Variants in ZBTB20 observed in about 807,000 individuals in gnomAD.
ZBTB20 encodes the protein zinc finger and BTB domain containing 20.
A neutral mutation model predicts 56.9 loss-of-function variants in ZBTB20; 9 were observed. The ratio of observed to expected loss-of-function variants is 0.16; its 90% CI spans 0.10 to 0.28. The LOEUF (loss-of-function observed/expected upper bound fraction) is 0.28, where lower values mean the gene tolerates loss of function less well. ZBTB20 is among the 10% of genes least tolerant of loss of function. The pLI, the probability that ZBTB20 is intolerant of heterozygous loss-of-function variation, is 1.00. For synonymous variants in ZBTB20, 417 were observed against 420.7 expected, an observed-to-expected ratio of 0.99 and a Z score of 0.11; for missense variants, 655 against 1,003.0, an observed-to-expected ratio of 0.65 and a Z score of 4.69.
chr3:114,964,638 A>G (rs1230703305), intron 3 of ZBTB20, among the ~76,000 whole-genome samples: 3 of 152,138 alleles, frequency 2.0e-5, no homozygotes, highest in Non-Finnish European at 4.4e-5. Context: ...GTGTATTTAA[A>G]AGACAGCAAA....
intron 6 of ZBTB20, among the ~76,000 whole-genome samples, chr3:114,549,883 C>T (rs1359323576): frequency 6.6e-6 from 1 of 151,376 alleles, no homozygotes; most frequent in Non-Finnish European, 1.5e-5. Flanking sequence ...TAATATTTTG[C>T]TTTTCTGTTT....
At chr3:114,516,983 G>C (rs183809399) in intron 6 of ZBTB20, among the ~76,000 whole-genome samples, 13 of 152,204 alleles carry the variant, frequency 8.5e-5, no homozygotes, top group Non-Finnish European at 1.9e-4. Context: ...GATATACTCA[G>C]TAAAAGAAAA....
At chr3:114,391,001 T>C (rs2085822807) in intron 7 of ZBTB20, among the ~76,000 whole-genome samples, 1 of 148,452 alleles carries the variant, frequency 6.7e-6, no homozygotes, top group South Asian at 2.1e-4. Context: ...GTTTTTTTTT[T>C]CTTCCTATAT....
chr3:114,408,480 G>A (rs1160008913), intron 7 of ZBTB20, among the ~76,000 whole-genome samples: 5 of 151,960 alleles, frequency 3.3e-5, no homozygotes, highest in East Asian at 3.9e-4. Flanking sequence ...AACCTTTGAC[G>A]AAATTAGAAC....
chr3:114,826,623 T>C (rs2073541891), intron 4 of ZBTB20, among the ~76,000 whole-genome samples: 1 of 151,582 alleles, frequency 6.6e-6, no homozygotes, highest in Non-Finnish European at 1.5e-5. Context: ...GTCCCTCCAC[T>C]TTTTTTCAGT....
intron 6 of ZBTB20, among the ~76,000 whole-genome samples, chr3:114,517,955 G>T (rs2046207402): frequency 6.6e-6 from 1 of 152,114 alleles, no homozygotes; most frequent in Non-Finnish European, 1.5e-5. Context: ...AGCCAACATG[G>T]TACTATTACC....
chr3:115,013,387 G>A (rs2079804583), intron 2 of ZBTB20, among the ~76,000 whole-genome samples: 1 of 151,666 alleles, frequency 6.6e-6, no homozygotes, highest in Non-Finnish European at 1.5e-5. Context: ...AGGATCGTTA[G>A]TGGCTGCTAT....
Position 115,092,698 on chromosome 3 carries a change from C to T in ZBTB20, c.-702-21284G>A, listed in dbSNP as rs80272238. ...GAGGAGTGGAGCCATAGTAACCATGCTGCACTTCATTCCATTAAAAACAGC... is the reference window on the plus strand; with the variant it reads ...GAGGAGTGGAGCCATAGTAACCATGTTGCACTTCATTCCATTAAAAACAGC... On this transcript the variant is annotated intron_variant, in intron 1 of 11. Transcript: ENST00000675478. 6.6e-3 allele frequency among the ~76,000 whole-genome samples: 1,007 copies of T among 152,164 alleles called. 15 individuals are homozygous for T. The highest frequency in any genetic ancestry group is 0.022 in the African/African-American group (930 of 41,532).
intron 6 of ZBTB20, among the ~76,000 whole-genome samples, chr3:114,647,578 A>G (rs548947107): frequency 6.6e-6 from 1 of 152,338 alleles, no homozygotes; most frequent in East Asian, 1.9e-4. Context: ...GTCAGCCATC[A>G]ATTTAAAATC....
chr3:115,143,760 C>T (rs2084886331), intron 1 of ZBTB20, among the ~76,000 whole-genome samples: 1 of 152,004 alleles, frequency 6.6e-6, no homozygotes, highest in South Asian at 2.1e-4. Flanking sequence ...GTTAAAATTA[C>T]CAACTGAAAT....
chr3:114,959,476 G>T (rs1576426659), intron 3 of ZBTB20, among the ~76,000 whole-genome samples: 1 of 151,966 alleles, frequency 6.6e-6, no homozygotes, highest in African/African-American at 2.4e-5. Flanking sequence ...AGAAAGAAAA[G>T]ACATTAGATA....
intron 3 of ZBTB20, among the ~76,000 whole-genome samples, chr3:114,924,241 G>T (rs986431023): frequency 2.0e-5 from 3 of 152,098 alleles, no homozygotes; most frequent in Non-Finnish European, 4.4e-5. Context: ...ATCTTTAAGA[G>T]ATATCTGTAC....
At chr3:114,752,438 G>A (rs985460423) in intron 5 of ZBTB20, among the ~76,000 whole-genome samples, 2 of 152,148 alleles carry the variant, frequency 1.3e-5, no homozygotes, top group African/African-American at 4.8e-5. Context: ...CAATTAAAAT[G>A]CTCCCTTCTG....
intron 6 of ZBTB20, among the ~76,000 whole-genome samples, chr3:114,556,927 G>A (rs759568412): frequency 1.3e-5 from 2 of 152,028 alleles, no homozygotes. Flanking sequence ...ATTGTGAACT[G>A]AGCAAAACAA....
chr3:114,338,912 A>C lies in ZBTB20; in HGVS notation c.*93T>G, dbSNP rs2079557508. On this transcript the variant is annotated 3_prime_UTR_variant, in exon 12 of 12. Transcript: ENST00000675478. ...AAACAGAAAGTAAAAATGAAACCAA[A>C]ACATTTCTTAAATTCTAGTGCCATA... The C allele has an allele frequency of 3.6e-6, 5 of 1,396,634 alleles. No homozygotes were observed. The South Asian group carries it at 8.7e-5, about 24-fold the overall frequency. The allele number at this position is 1,396,634 out of a possible 1,614,324, so 86.5% of individuals were successfully genotyped here.
intron 6 of ZBTB20, among the ~76,000 whole-genome samples, chr3:114,681,001 C>T (rs1283880145): frequency 6.6e-6 from 1 of 152,086 alleles, no homozygotes; most frequent in Admixed American, 6.6e-5. Flanking sequence ...AATTTAATGG[C>T]AATGCAAGAG....
At chr3:114,852,397 G>A (rs1007712408) in intron 4 of ZBTB20, among the ~76,000 whole-genome samples, 2 of 151,836 alleles carry the variant, frequency 1.3e-5, no homozygotes, top group Admixed American at 1.3e-4. Flanking sequence ...CCGAGTGGCT[G>A]GGATTACAGG....
intron 6 of ZBTB20, among the ~76,000 whole-genome samples, chr3:114,587,849 C>A (rs1366178143): frequency 6.6e-6 from 1 of 152,200 alleles, no homozygotes; most frequent in African/African-American, 2.4e-5. Context: ...AAGATTCTAG[C>A]TCTATCTGTA....
intron 1 of ZBTB20, among the ~76,000 whole-genome samples, chr3:115,112,657 T>C (rs886551973): frequency 2.6e-5 from 4 of 152,198 alleles, no homozygotes; most frequent in Non-Finnish European, 5.9e-5. Flanking sequence ...CCAAATAGTA[T>C]TTCATTGTGT....
Sources: gnomAD v4.1 joint callset for allele counts (sites outside exome capture counted in the v4.1 genomes callset) on GRCh38, gnomAD v4.1.1 for gene constraint, MANE v1.5 for transcripts, NCBI Gene and HGNC (gene_info 2026-07-23, HGNC 2026-07-21) for gene names.